CALCRL: variants seen among roughly 807,000 people sequenced by gnomAD.
CALCRL encodes calcitonin receptor like receptor.
Under a neutral mutation model 60.4 loss-of-function variants are expected in CALCRL, and 27 were observed. The observed-to-expected ratio is 0.45, with a 90% CI of 0.33 to 0.62. CALCRL has a LOEUF of 0.62. Ranked by LOEUF, CALCRL falls within the 20% of genes least tolerant of loss-of-function variation. The pLI is 0.03. For synonymous variants in CALCRL, 190 were observed against 182.6 expected (o/e 1.04, Z -0.33); for missense variants, 424 against 540.7 (o/e 0.78, Z 2.14).
At chr2:187,433,712 C>G (rs1319593464) in intron 1 of CALCRL, among the ~76,000 whole-genome samples, 1 of 151,996 alleles carries the variant, frequency 6.6e-6, no homozygotes, top group Non-Finnish European at 1.5e-5. Context: ...CCTATACTTT[C>G]TTGATATAAT....
intron 1 of CALCRL, among the ~76,000 whole-genome samples, chr2:187,427,818 A>T (rs1367520889): frequency 6.6e-6 from 1 of 152,200 alleles, no homozygotes; most frequent in Non-Finnish European, 1.5e-5. Context: ...GGGTAAAGAC[A>T]CAATGAAGTC....
At chr2:187,348,792 C>T (rs1686397476) in intron 14 of CALCRL, among the ~76,000 whole-genome samples, 1 of 151,558 alleles carries the variant, frequency 6.6e-6, no homozygotes, top group Non-Finnish European at 1.5e-5. Context: ...TCCTCTAATA[C>T]AATATCACAC....
At chr2:187,383,739 A>G (rs898667796) in intron 4 of CALCRL, among the ~76,000 whole-genome samples, 1 of 152,170 alleles carries the variant, frequency 6.6e-6, no homozygotes, top group Admixed American at 6.5e-5. Flanking sequence ...TAGCATCAAG[A>G]TAACAGAGGA....
chr2:187,369,971 C>A (rs547877524), intron 8 of CALCRL, among the ~76,000 whole-genome samples: 1 of 152,266 alleles, frequency 6.6e-6, no homozygotes, highest in African/African-American at 2.4e-5. Context: ...GCTTTTTTTC[C>A]ATTCTACAGA....
chr2:187,383,414 G>T, intron 4 of CALCRL, 109 bp from the exon 5 acceptor site: 1 of 851,222 alleles, frequency 1.2e-6, no homozygotes, highest in Non-Finnish European at 1.7e-6. Context: ...GTGATGTACT[G>T]GAAGATAAAC....
chr2:187,378,485 G>A (rs183151167), intron 8 of CALCRL, among the ~76,000 whole-genome samples: 1 of 152,194 alleles, frequency 6.6e-6, no homozygotes, highest in East Asian at 1.9e-4. Context: ...CCCGCCAAAC[G>A]AGGAAAAACC....
At chr2:187,359,395 A>T in intron 10 of CALCRL, 123 bp from the exon 11 acceptor site, 1 of 626,786 alleles carries the variant, frequency 1.6e-6, no homozygotes, top group Non-Finnish European at 2.7e-6. Context: ...GCCACTATAT[A>T]TTTGTTGAAT....
intron 1 of CALCRL, among the ~76,000 whole-genome samples, chr2:187,417,118 C>A (rs1481065336): frequency 6.6e-6 from 1 of 151,942 alleles, no homozygotes; most frequent in African/African-American, 2.4e-5. Flanking sequence ...AAAATAAAGG[C>A]CATTTACTTT....
At chr2:187,375,475 C>G (rs1687717457) in intron 8 of CALCRL, among the ~76,000 whole-genome samples, 2 of 152,064 alleles carry the variant, frequency 1.3e-5, no homozygotes, top group South Asian at 4.1e-4. Flanking sequence ...ATGTAGAGGT[C>G]AAATTTCTTA....
In CALCRL at chr2:187,389,065, TC is replaced by T. The variant is rs1193925547; in HGVS notation, c.-292-1310del. On this transcript the variant is annotated intron_variant, in intron 1 of 14. Coordinates refer to ENST00000392370, the MANE Select transcript of CALCRL (RefSeq NM_005795.6). The stretch of plus-strand genomic sequence containing the variant: ...TATCATACTTTTCTCTATTACTTCT[TC>T]TTCTTTTTTTTTTTTTTTGAGAAAG... Among the ~76,000 whole-genome samples the T allele has an allele frequency of 3.5e-4, 32 of 92,118 alleles. No homozygotes were observed. In the South Asian group the frequency reaches 0.011, roughly 31 times the overall value. 60.4% of individuals were successfully genotyped at this position (92,118 alleles called of 152,430 possible).
chr2:187,438,422 C>T (rs1408787339), intron 1 of CALCRL, among the ~76,000 whole-genome samples: 2 of 152,070 alleles, frequency 1.3e-5, no homozygotes, highest in African/African-American at 2.4e-5. Context: ...TACAGACTGA[C>T]AAACATGTCT....
intron 1 of CALCRL, among the ~76,000 whole-genome samples, chr2:187,390,475 T>C (rs1458363874): frequency 6.6e-6 from 1 of 150,394 alleles, no homozygotes; most frequent in Non-Finnish European, 1.5e-5. Context: ...TCAAAAGTCA[T>C]GTCTGAAGGT....
At chr2:187,386,673 A>G (rs1418696080) in intron 3 of CALCRL, among the ~76,000 whole-genome samples, 2 of 114,722 alleles carry the variant, frequency 1.7e-5, no homozygotes, top group East Asian at 5.8e-4. Context: ...GGAGCAACCT[A>G]CTCCAACATA....
chr2:187,400,118 A>G (rs1688824521), intron 1 of CALCRL, among the ~76,000 whole-genome samples: 1 of 151,534 alleles, frequency 6.6e-6, no homozygotes, highest in Admixed American at 6.6e-5. Context: ...CAAAGAAACA[A>G]TATAAGTTCG....
At chr2:187,373,051 G>C (rs1042709619) in intron 8 of CALCRL, among the ~76,000 whole-genome samples, 19 of 152,162 alleles carry the variant, frequency 1.2e-4, no homozygotes, top group African/African-American at 4.6e-4. Context: ...ACAATCTTAA[G>C]GGACATGCTG....
At chr2:187,407,447 C>T (rs919161893) in intron 1 of CALCRL, among the ~76,000 whole-genome samples, 1 of 151,768 alleles carries the variant, frequency 6.6e-6, no homozygotes, top group Non-Finnish European at 1.5e-5. Context: ...TTGAAGAAAA[C>T]AAGCAAAAAA....
intron 8 of CALCRL, among the ~76,000 whole-genome samples, chr2:187,366,249 C>CAAAAAAAAAAAAAAAAAAAAAAAAAA (rs59586461): frequency 2.1e-5 from 2 of 94,616 alleles, no homozygotes; most frequent in African/African-American, 9.1e-5. Context: ...GACTCCGTCT[C>CAAAAAAAAAAAAAAAAAAAAAAAAAA]AAAAAAAAAA....
chr2:187,392,645 T>C (rs1466005910), intron 1 of CALCRL, among the ~76,000 whole-genome samples: 1 of 152,166 alleles, frequency 6.6e-6, no homozygotes, highest in East Asian at 1.9e-4. Context: ...AAAACCTAAG[T>C]CTTTGTGCTA....
At chr2:187,446,300 T>TAG (rs1390162325) in intron 1 of CALCRL, among the ~76,000 whole-genome samples, 3 of 151,748 alleles carry the variant, frequency 2.0e-5, no homozygotes, top group African/African-American at 7.2e-5. Flanking sequence ...TACAATAATA[T>TAG]GAATTTTTAT....
Sources: gnomAD v4.1 joint callset for allele counts (sites outside exome capture counted in the v4.1 genomes callset) on GRCh38, gnomAD v4.1.1 for gene constraint, MANE v1.5 for transcripts, NCBI Gene and HGNC (gene_info 2026-07-23, HGNC 2026-07-21) for gene names.